Variants in AJAP1 observed in about 807,000 individuals in gnomAD.
AJAP1 encodes adherens junctions associated protein 1, also known as adherens junction-associated protein 1.
Under a neutral mutation model 35.0 loss-of-function variants are expected in AJAP1, and 5 were observed. The ratio of observed to expected loss-of-function variants is 0.14; its 90% CI spans 0.07 to 0.30. The LOEUF (loss-of-function observed/expected upper bound fraction) is 0.30. Among genes scored for constraint, AJAP1 ranks in the 10% least tolerant of loss-of-function variants. The probability of loss-of-function intolerance (pLI) is 1.00; values close to 1 mark genes in which losing one functional copy is unlikely to be tolerated. For missense variants in AJAP1, 586 were observed against 571.0 expected, an observed-to-expected ratio of 1.03 and a Z score of -0.27; for synonymous variants, 284 against 249.3, an observed-to-expected ratio of 1.14 and a Z score of -1.31.
intron 1 of AJAP1, among the ~76,000 whole-genome samples, chr1:4,688,965 C>G (rs1221465940): frequency 6.6e-6 from 1 of 152,094 alleles, no homozygotes; most frequent in African/African-American, 2.4e-5. Context: ...TGCTCACTCA[C>G]AGCGGGTGCC....
At chr1:4,760,833 C>G (rs1410741341) in intron 2 of AJAP1, among the ~76,000 whole-genome samples, 1 of 152,242 alleles carries the variant, frequency 6.6e-6, no homozygotes, top group African/African-American at 2.4e-5. Context: ...AGAGGCTGCC[C>G]ATCTGTGCCC....
chr1:4,666,867 T>G (rs970280560), intron 1 of AJAP1, among the ~76,000 whole-genome samples: 1 of 145,200 alleles, frequency 6.9e-6, no homozygotes, highest in Admixed American at 6.8e-5. Context: ...CACAGGAGGG[T>G]GCAGAGAGGG....
chr1:4,762,421 C>T (rs1402944702), intron 2 of AJAP1, among the ~76,000 whole-genome samples: 1 of 152,172 alleles, frequency 6.6e-6, no homozygotes, highest in Non-Finnish European at 1.5e-5. Context: ...GCTTGACCTT[C>T]AGAGGGGCTG....
chr1:4,778,562 A>G (rs1255767012), intron 5 of AJAP1, among the ~76,000 whole-genome samples: 2 of 139,308 alleles, frequency 1.4e-5, no homozygotes, highest in African/African-American at 2.7e-5. Context: ...AAGGTGCAGG[A>G]TTGGCGCCAT....
chr1:4,706,126 G>T (rs1008087432), intron 1 of AJAP1, among the ~76,000 whole-genome samples: 6 of 152,186 alleles, frequency 3.9e-5, no homozygotes, highest in African/African-American at 1.2e-4. Flanking sequence ...GGACCGAGGG[G>T]TAGACCCTGG....
chr1:4,740,256 C>T lies in AJAP1; in HGVS notation c.829+27557C>T, dbSNP rs532147128. The stretch of plus-strand genomic sequence containing the variant: ...GGACATTCTGCTAAGCGAAATAAAC[C>T]GGCCACAAAAGGACAAACTCTGTCA... On this transcript the variant is annotated intron_variant, in intron 2 of 5. Transcript: ENST00000378191. Among the ~76,000 whole-genome samples, 17 of 132,498 alleles carry T rather than the reference C, an allele frequency of 1.3e-4. No homozygotes were observed. The East Asian group carries it at 2.9e-3, about 23-fold the overall frequency. The allele number at this position is 132,498 out of a possible 152,430, so 86.9% of individuals were successfully genotyped here.
At chr1:4,657,058 C>G (rs1638898281) in intron 1 of AJAP1, among the ~76,000 whole-genome samples, 1 of 152,334 alleles carries the variant, frequency 6.6e-6, no homozygotes, top group Admixed American at 6.5e-5. Flanking sequence ...GACCTGCTTC[C>G]TGAGCTGCCA....
At chr1:4,687,567 G>A (rs1639635187) in intron 1 of AJAP1, among the ~76,000 whole-genome samples, 2 of 152,206 alleles carry the variant, frequency 1.3e-5, no homozygotes, top group African/African-American at 2.4e-5. Flanking sequence ...TTCAGGGGAG[G>A]ACAGTGGAAG....
Position 4,790,934 on chromosome 1 carries a change from G to GTT in AJAP1, c.*8453_*8454dup, listed in dbSNP as rs1448086791. The GTT allele has an allele frequency of 6.7e-6, 1 of 150,226 alleles. No homozygotes were observed. The highest frequency in any genetic ancestry group is 1.5e-5 in the Non-Finnish European group (1 of 67,592). 9.3% of individuals were successfully genotyped at this position (150,226 alleles called of 1,614,324 possible). A position where few individuals can be genotyped will look rare whatever the true frequency, so the allele number is the denominator to read the frequency against. Reference sequence around the variant, plus strand: ...TTTCTGTTTTTTTGTTTTTGTTTTTGTTTTTGTTTTTGTTTTTGTTTTGTT... The same window carrying GTT: ...TTTCTGTTTTTTTGTTTTTGTTTTTGTTTTTTTGTTTTTGTTTTTGTTTTGTT... On this transcript the variant is annotated 3_prime_UTR_variant, in exon 6 of 6. Coordinates refer to ENST00000378191, the MANE Select transcript of AJAP1 (RefSeq NM_018836.4).
Position 4,734,971 on chromosome 1 carries a change from G to A in AJAP1, c.829+22272G>A, listed in dbSNP as rs1033287973. On this transcript the variant is annotated intron_variant, in intron 2 of 5. Coordinates refer to ENST00000378191, the MANE Select transcript of AJAP1 (RefSeq NM_018836.4). The surrounding 1 kb of genome is among the most constrained non-coding windows in gnomAD (Gnocchi z 4.3). ...GTCCATCGCCTGCAAGCTGAGCCGC[G>A]TGATGGAGCTCAGCCTGCAGCAGCC... Among the ~76,000 whole-genome samples, 1 of 152,178 alleles carries A rather than the reference G, an allele frequency of 6.6e-6. No individual in the cohort carries two copies. The highest frequency in any genetic ancestry group is 1.5e-5 in the Non-Finnish European group (1 of 68,044).
intron 1 of AJAP1, 22 bp from the exon 2 acceptor site, chr1:4,711,878 C>T (rs781465295): frequency 1.0e-5 from 15 of 1,444,984 alleles, no homozygotes; most frequent in African/African-American, 1.5e-5. Context: ...GACCGCTCTT[C>T]TCTCCTTTCC....
chr1:4,710,956 C>A (rs1640217033), intron 1 of AJAP1, among the ~76,000 whole-genome samples: 1 of 152,194 alleles, frequency 6.6e-6, no homozygotes. Context: ...CCCCTGCAGC[C>A]CCGCTGCGTG....
intron 2 of AJAP1, among the ~76,000 whole-genome samples, chr1:4,737,722 G>A (rs1468301844): frequency 2.0e-5 from 3 of 152,126 alleles, no homozygotes; most frequent in East Asian, 1.9e-4. Flanking sequence ...GTGAGACCCC[G>A]TTTTCTACAA....
chr1:4,749,119 T>C (rs76989491), intron 2 of AJAP1, among the ~76,000 whole-genome samples: 4,802 of 152,222 alleles, frequency 0.032, 126 homozygotes, highest in South Asian at 0.13. Flanking sequence ...CTCGTTCCAG[T>C]CTTATCAACG....
At position 4,656,689 on chromosome 1, in the gene AJAP1, G is replaced by A. The variant is rs1638889173; in HGVS notation, c.29+1235G>A. Among the ~76,000 whole-genome samples, 1 of 152,202 alleles carries A rather than the reference G, an allele frequency of 6.6e-6. No homozygotes were observed. The highest frequency in any genetic ancestry group is 2.4e-5 in the African/African-American group (1 of 41,450). ...GATTCTGCTCCCAGAGGTGAATACT[G>A]TGTAACACATCTAGTGAACATTGTC... is the stretch of plus-strand genomic sequence containing the variant. On this transcript the variant is annotated intron_variant, in intron 1 of 5. Transcript: ENST00000378191. The surrounding 1 kb of genome is among the most constrained non-coding windows in gnomAD (Gnocchi z 5.7).
At chr1:4,686,259 G>T (rs1208514961) in intron 1 of AJAP1, among the ~76,000 whole-genome samples, 1 of 152,166 alleles carries the variant, frequency 6.6e-6, no homozygotes, top group Non-Finnish European at 1.5e-5. Context: ...GAATTGAGTG[G>T]CTTATAACAG....
At chr1:4,759,508 G>T (rs1394106632) in intron 2 of AJAP1, among the ~76,000 whole-genome samples, 1 of 152,212 alleles carries the variant, frequency 6.6e-6, no homozygotes, top group Non-Finnish European at 1.5e-5. Context: ...CGTGTCTTCT[G>T]CTCCAGGGAG....
intron 1 of AJAP1, among the ~76,000 whole-genome samples, chr1:4,709,034 T>C (rs1413463943): frequency 6.6e-6 from 1 of 152,266 alleles, no homozygotes; most frequent in East Asian, 1.9e-4. Context: ...GGGGTTTCTA[T>C]AGTAACCAAT....
At chr1:4,661,534 C>T (rs1488788876) in intron 1 of AJAP1, among the ~76,000 whole-genome samples, 1 of 152,220 alleles carries the variant, frequency 6.6e-6, no homozygotes, top group Non-Finnish European at 1.5e-5. Context: ...TTCCAGGACT[C>T]GAAGGTCCAT....
Sources: allele counts gnomAD v4.1 joint callset (sites outside exome capture counted in the v4.1 genomes callset), GRCh38; gene constraint gnomAD v4.1.1; non-coding constraint Gnocchi (gnomAD v3.1); transcripts MANE v1.5; gene names NCBI Gene and HGNC (gene_info 2026-07-23, HGNC 2026-07-21).